The following NR3C2 variants were observed in gnomAD, a reference collection of about 807,000 sequenced individuals.
The protein encoded by NR3C2 is mineralocorticoid receptor.
A neutral mutation model predicts 86.4 loss-of-function variants in NR3C2; 15 were observed. The ratio of observed to expected loss-of-function variants is 0.17; its 90% CI spans 0.12 to 0.27. The LOEUF (loss-of-function observed/expected upper bound fraction) is 0.27, where lower values mean the gene tolerates loss of function less well. Ranked by LOEUF, NR3C2 falls within the 10% of genes least tolerant of loss-of-function variation. The pLI, the probability that NR3C2 is intolerant of heterozygous loss-of-function variation, is 1.00. For missense variants in NR3C2, 960 were observed against 1,195.6 expected (o/e 0.80, Z 2.91); for synonymous variants, 458 against 450.5 (o/e 1.02, Z -0.21).
At chr4:148,327,400 G>A (rs758902298) in intron 2 of NR3C2, among the ~76,000 whole-genome samples, 25 of 152,112 alleles carry the variant, frequency 1.6e-4, no homozygotes, top group Non-Finnish European at 3.2e-4. Context: ...CCTGAAATGC[G>A]AGTTCAACCT....
At chr4:148,377,322 G>C (rs535401728) in intron 2 of NR3C2, among the ~76,000 whole-genome samples, 1 of 152,334 alleles carries the variant, frequency 6.6e-6, no homozygotes, top group East Asian at 1.9e-4. Flanking sequence ...CTAGCCTGTG[G>C]CTAATGTGGA....
chr4:148,155,821 A>G (rs900496383), intron 4 of NR3C2, among the ~76,000 whole-genome samples: 1 of 152,160 alleles, frequency 6.6e-6, no homozygotes, highest in African/African-American at 2.4e-5. Context: ...CTAAGCCAAA[A>G]GAACAAAGCT....
chr4:148,219,090 G>A (rs1398489682), intron 3 of NR3C2, among the ~76,000 whole-genome samples: 4 of 152,086 alleles, frequency 2.6e-5, no homozygotes, highest in Admixed American at 2.0e-4. Flanking sequence ...AATATATGAC[G>A]TGTTTTTCCA....
intron 4 of NR3C2, among the ~76,000 whole-genome samples, chr4:148,157,470 T>A (rs1002858512): frequency 7.2e-5 from 11 of 152,134 alleles, no homozygotes; most frequent in Admixed American, 5.9e-4. Flanking sequence ...TTAAGAAATA[T>A]AAGATCACAC....
intron 8 of NR3C2, among the ~76,000 whole-genome samples, chr4:148,107,818 G>A (rs1469187151): frequency 1.3e-5 from 2 of 152,106 alleles, no homozygotes; most frequent in Non-Finnish European, 2.9e-5. Flanking sequence ...GACACAGGGA[G>A]GGGCACAACA....
chr4:148,436,805 C>A lies in NR3C2; in HGVS notation c.56G>T (p.Trp19Leu). The change falls in exon 2 of 9, where the codon TGG (tryptophan) becomes TTG (leucine). Residue 19 changes from tryptophan to leucine, a missense_variant. Trp to Leu is a moderately conservative substitution (Grantham distance 61). This residue lies in a region of NR3C2 where 680 missense variants were observed against 719.0 expected (regional missense o/e 0.95). Coordinates refer to ENST00000358102, the MANE Select transcript of NR3C2 (RefSeq NM_000901.5). ...CTCCACAGCCTGAGAAACTTGACCCCACCGTCTTTCCATATCTAGACCTTC... is the reference window on the plus strand; with the variant it reads ...CTCCACAGCCTGAGAAACTTGACCCAACCGTCTTTCCATATCTAGACCTTC... Reference protein sequence around the residue: ...LPEGLDMERRWGQVSQAVERS... With the variant: ...LPEGLDMERRLGQVSQAVERS... The A allele has an allele frequency of 6.2e-7, 1 of 1,613,116 alleles. No homozygotes were observed. The highest frequency in any genetic ancestry group is 2.2e-5 in the East Asian group (1 of 44,878).
intron 2 of NR3C2, among the ~76,000 whole-genome samples, chr4:148,409,886 C>T (rs1748610218): frequency 2.6e-5 from 4 of 151,934 alleles, no homozygotes; most frequent in African/African-American, 7.2e-5. Flanking sequence ...TATTTCTCTT[C>T]GCTAAAAATT....
At chr4:148,346,911 A>G (rs185314413) in intron 2 of NR3C2, among the ~76,000 whole-genome samples, 2 of 152,244 alleles carry the variant, frequency 1.3e-5, no homozygotes, top group African/African-American at 4.8e-5. Context: ...AGAAGCACTA[A>G]TGAGAGTTTG....
At chr4:148,211,959 C>G (rs1160586351) in intron 3 of NR3C2, among the ~76,000 whole-genome samples, 1 of 152,174 alleles carries the variant, frequency 6.6e-6, no homozygotes, top group Non-Finnish European at 1.5e-5. Context: ...CTTCTGGAGA[C>G]TAGAGTCGAA....
chr4:148,218,239 T>A (rs1347133953), intron 3 of NR3C2, among the ~76,000 whole-genome samples: 1 of 152,082 alleles, frequency 6.6e-6, no homozygotes, highest in Non-Finnish European at 1.5e-5. Flanking sequence ...CAAATAGAAA[T>A]AAGATCTTAG....
intron 8 of NR3C2, among the ~76,000 whole-genome samples, chr4:148,084,111 CAGG>C (rs1400544318): frequency 6.6e-6 from 1 of 152,112 alleles, no homozygotes. Flanking sequence ...GGATATTATC[CAGG>C]AGAACTTCCC....
At chr4:148,182,164 C>T (rs1484450401) in intron 4 of NR3C2, among the ~76,000 whole-genome samples, 1 of 152,200 alleles carries the variant, frequency 6.6e-6, no homozygotes, top group Non-Finnish European at 1.5e-5. Flanking sequence ...GACCACTTTG[C>T]TTTGCTAAGA....
intron 2 of NR3C2, among the ~76,000 whole-genome samples, chr4:148,348,705 A>G (rs1483998973): frequency 6.6e-6 from 1 of 152,092 alleles, no homozygotes; most frequent in Non-Finnish European, 1.5e-5. Context: ...ATAGCTCTCT[A>G]ATTGCTGTGC....
chr4:148,290,994 T>C (rs1018619195), intron 2 of NR3C2, among the ~76,000 whole-genome samples: 1 of 152,196 alleles, frequency 6.6e-6, no homozygotes, highest in Non-Finnish European at 1.5e-5. Context: ...TTCACCTTTG[T>C]ATACAAATTT....
At chr4:148,357,620 G>T (rs1352165051) in intron 2 of NR3C2, among the ~76,000 whole-genome samples, 1 of 152,034 alleles carries the variant, frequency 6.6e-6, no homozygotes, top group African/African-American at 2.4e-5. Context: ...AAGAATCTAG[G>T]AAAATACCAA....
chr4:148,282,323 C>A (rs2149897820), intron 2 of NR3C2, among the ~76,000 whole-genome samples: 1 of 152,240 alleles, frequency 6.6e-6, no homozygotes, highest in Middle Eastern at 3.4e-3. Context: ...AGCCACTGTG[C>A]CCGGCCATAA....
At chr4:148,312,570 TA>T (rs1561034609) in intron 2 of NR3C2, among the ~76,000 whole-genome samples, 2 of 152,128 alleles carry the variant, frequency 1.3e-5, no homozygotes, top group Non-Finnish European at 2.9e-5. Flanking sequence ...ACTAAAATAC[TA>T]AAGGAATGAA....
intron 2 of NR3C2, among the ~76,000 whole-genome samples, chr4:148,273,877 G>A (rs1740818819): frequency 6.6e-6 from 1 of 152,200 alleles, no homozygotes; most frequent in African/African-American, 2.4e-5. Context: ...TGTGCACAGG[G>A]GGGTCACGCT....
chr4:148,412,186 T>C (rs1192547392), intron 2 of NR3C2, among the ~76,000 whole-genome samples: 1 of 152,016 alleles, frequency 6.6e-6, no homozygotes, highest in Non-Finnish European at 1.5e-5. Flanking sequence ...ACAATAAACA[T>C]CCAAGGCAGC....
Sources: gnomAD v4.1 joint callset for allele counts (sites outside exome capture counted in the v4.1 genomes callset) on GRCh38, gnomAD v4.1.1 for gene constraint, gnomAD v4.1.1 regional missense constraint, MANE v1.5 for transcripts, NCBI Gene and HGNC (gene_info 2026-07-23, HGNC 2026-07-21) for gene names.